The following KCNK12 variants were observed in gnomAD, a reference collection of about 807,000 sequenced individuals.
The protein encoded by KCNK12 is potassium channel subfamily K member 12.
In KCNK12, 6 loss-of-function variants were observed where a neutral mutation model predicts 25.3. The observed-to-expected ratio is 0.24, with a 90% confidence interval of 0.13 to 0.47. The LOEUF (loss-of-function observed/expected upper bound fraction) is 0.47. KCNK12 is among the 20% of genes least tolerant of loss of function. The pLI, the probability that KCNK12 is intolerant of heterozygous loss-of-function variation, is 0.99. For missense variants in KCNK12, 444 were observed against 661.7 expected (o/e 0.67, Z 3.61); for synonymous variants, 331 against 311.1 (o/e 1.06, Z -0.67).
chr2:47,532,059 C>A (rs7606984), intron 1 of KCNK12, among the ~76,000 whole-genome samples: 78,027 of 151,930 alleles, frequency 0.51, 21,979 homozygotes, highest in African/African-American at 0.74. Flanking sequence ...AAAAAACCCC[C>A]AAAAACAAAA....
At chr2:47,521,881 T>TGGGGGGGGGGGGGGGGTGGGGGGGG in intron 1 of KCNK12, 73 bp from the exon 2 acceptor site, 1 of 212,176 alleles carries the variant, frequency 4.7e-6, no homozygotes, top group Non-Finnish European at 7.7e-6. Context: ...GTGGGGGGTG[T>TGGGGGGGGGGGGGGGGTGGGGGGGG]GGGGGCGGGG....
chr2:47,520,353 A>G lies in KCNK12; in HGVS notation c.*554T>C, dbSNP rs1219225921. 6.6e-6 allele frequency: 1 copy of G among 152,282 alleles called. No homozygotes were observed. Among genetic ancestry groups the G allele is most frequent in the Non-Finnish European group, 1.5e-5 (1 of 68,086 alleles). The allele number at this position is 152,282 out of a possible 1,614,324, so 9.4% of individuals were successfully genotyped here. The stretch of plus-strand genomic sequence containing the variant: ...TTGGTGCTATGTTTCATCTCATTGC[A>G]TAATACTACACCATTCTCTGTGTGT... On this transcript the variant is annotated 3_prime_UTR_variant, in exon 2 of 2. Coordinates refer to ENST00000327876, the MANE Select transcript of KCNK12 (RefSeq NM_022055.2). The surrounding 1 kb of genome is among the most constrained non-coding windows in gnomAD (Gnocchi z 5.0).
chr2:47,527,245 GT>G (rs1004213533), intron 1 of KCNK12, among the ~76,000 whole-genome samples: 2 of 152,178 alleles, frequency 1.3e-5, no homozygotes, highest in Non-Finnish European at 2.9e-5. Flanking sequence ...GCTCAGAGTT[GT>G]GACTCCCATC....
In KCNK12 at chr2:47,547,129, G is replaced by C. The variant is rs934329093; in HGVS notation, c.391+22812C>G. Reference sequence around the variant, plus strand: ...GTGGACAGCCACAGTTCAGACATTTGAGGAAAGCCTGTAAGCCCTCTCTTG... The same window carrying C: ...GTGGACAGCCACAGTTCAGACATTTCAGGAAAGCCTGTAAGCCCTCTCTTG... On this transcript the variant is annotated intron_variant, in intron 1 of 1. Coordinates refer to ENST00000327876, the MANE Select transcript of KCNK12 (RefSeq NM_022055.2). This position sits in a 1 kb window ranked among gnomAD's most constrained non-coding sequence, Gnocchi z 5.0. 6.6e-6 allele frequency among the ~76,000 whole-genome samples: 1 copy of C among 152,162 alleles called. No homozygotes were observed. The highest frequency in any genetic ancestry group is 6.5e-5 in the Admixed American group (1 of 15,284).
rs1669872511 is a variant in KCNK12, at chr2:47,570,612, C to T, written c.-281G>A. ...CCCGACGCCTCGCCGGCTCCCGCGG[C>T]TCCTTACCCGCCGCTCTCGGGCGCG... On this transcript the variant is annotated 5_prime_UTR_variant, in exon 1 of 2. Coordinates refer to ENST00000327876, the MANE Select transcript of KCNK12 (RefSeq NM_022055.2). The T allele has an allele frequency of 8.8e-6, 2 of 227,920 alleles. No homozygotes were observed. The highest frequency in any genetic ancestry group is 5.8e-5 in the Admixed American group (1 of 17,340). 14.1% of individuals were successfully genotyped at this position (227,920 alleles called of 1,614,324 possible). A position where few individuals can be genotyped will look rare whatever the true frequency, so the allele number is the denominator to read the frequency against.
In KCNK12 at chr2:47,513,658, C is replaced by T. The variant is rs1668457138; in HGVS notation, c.*7249G>A. Among the ~76,000 whole-genome samples, 1 of 152,108 alleles carries T rather than the reference C, an allele frequency of 6.6e-6. No homozygotes were observed. The highest frequency in any genetic ancestry group is 1.9e-4 in the East Asian group (1 of 5,180). On this transcript the variant is annotated 3_prime_UTR_variant, in exon 2 of 2. Transcript: ENST00000327876. ...CTCCCCCATGGTTATCTCATGGGTC[C>T]CTGAAGTCCAACTTCTCCTTCATTG...
At chr2:47,532,639 T>C (rs1303960461) in intron 1 of KCNK12, among the ~76,000 whole-genome samples, 1 of 152,120 alleles carries the variant, frequency 6.6e-6, no homozygotes, top group African/African-American at 2.4e-5. Context: ...AGTCAAGGCG[T>C]TCCATCTGGT....
At chr2:47,563,791 A>C (rs1669733785) in intron 1 of KCNK12, 1 of 232,970 alleles carries the variant, frequency 4.3e-6, no homozygotes, top group East Asian at 6.0e-5. Context: ...TGGTGCTTCC[A>C]GCTAGAATAC....
rs1016997263 is a variant in KCNK12, at chr2:47,510,474, A to C, written c.*10433T>G. Among the ~76,000 whole-genome samples the C allele has an allele frequency of 2.0e-5, 3 of 152,292 alleles. No homozygotes were observed. Among genetic ancestry groups the C allele is most frequent in the Admixed American group, 2.0e-4 (3 of 15,300 alleles). On this transcript the variant is annotated 3_prime_UTR_variant, in exon 2 of 2. Transcript: ENST00000327876. ...GCATGGAGATGGGTGGAGTTATCTA[A>C]AAGAACAGAGATAGTGTCCCTAGAA...
chr2:47,519,540 A>G lies in KCNK12; in HGVS notation c.*1367T>C, dbSNP rs988410504. The G allele has an allele frequency of 2.0e-5, 3 of 152,176 alleles. No homozygotes were observed. Among genetic ancestry groups the G allele is most frequent in the African/African-American group, 4.8e-5 (2 of 41,428 alleles). The allele number at this position is 152,176 out of a possible 1,614,324, so 9.4% of individuals were successfully genotyped here. A position where few individuals can be genotyped will look rare whatever the true frequency, so the allele number is the denominator to read the frequency against. ...ACACCCCCAGACCACTATCCTTTCA[A>G]TGAAGCCTGGGTATCTGGCCTTCCT... On this transcript the variant is annotated 3_prime_UTR_variant, in exon 2 of 2. Coordinates refer to ENST00000327876, the MANE Select transcript of KCNK12 (RefSeq NM_022055.2).
rs1023157434 is a variant in KCNK12 at position 47,560,283 on chromosome 2, T to G, written c.391+9658A>C. 6.6e-6 allele frequency among the ~76,000 whole-genome samples: 1 copy of G among 152,206 alleles called. No homozygotes were observed. Among genetic ancestry groups the G allele is most frequent in the Non-Finnish European group, 1.5e-5 (1 of 68,032 alleles). On this transcript the variant is annotated intron_variant, in intron 1 of 1. Coordinates refer to ENST00000327876, the MANE Select transcript of KCNK12 (RefSeq NM_022055.2). This position sits in a 1 kb window ranked among gnomAD's most constrained non-coding sequence, Gnocchi z 4.7. The stretch of plus-strand genomic sequence containing the variant: ...TCTGGTGAGCTCTGTGGGAAGCACG[T>G]GCTCTACCCTCTCCGATCTGGTTGG...
intron 1 of KCNK12, among the ~76,000 whole-genome samples, chr2:47,524,442 T>G (rs1464864026): frequency 6.6e-6 from 1 of 152,132 alleles, no homozygotes; most frequent in Non-Finnish European, 1.5e-5. Flanking sequence ...TGGAACAAAA[T>G]AAGCTGGACA....
At chr2:47,536,591 C>T in intron 1 of KCNK12, among the ~76,000 whole-genome samples, 1 of 152,146 alleles carries the variant, frequency 6.6e-6, no homozygotes, top group East Asian at 1.9e-4. Context: ...ATAAGATTGC[C>T]CACAGACCTC....
At chr2:47,549,007 A>C (rs1669369817) in intron 1 of KCNK12, among the ~76,000 whole-genome samples, 1 of 152,258 alleles carries the variant, frequency 6.6e-6, no homozygotes, top group Non-Finnish European at 1.5e-5. Context: ...GTTACTCGCA[A>C]AGGTCTGAAT....
At chr2:47,524,750 C>T (rs1217300227) in intron 1 of KCNK12, among the ~76,000 whole-genome samples, 1 of 152,012 alleles carries the variant, frequency 6.6e-6, no homozygotes, top group Non-Finnish European at 1.5e-5. Flanking sequence ...TTTTTGTACT[C>T]ATAGTGAGAA....
chr2:47,570,711 ACAGGCCG>A lies in KCNK12; in HGVS notation c.-387_-381del, dbSNP rs947291506. On this transcript the variant is annotated 5_prime_UTR_variant, in exon 1 of 2. Transcript: ENST00000327876. ...CCCCGGGCCTCATACTCCTCTCCAG[ACAGGCCG>A]CGGGCTGCGGGCGGGGTGGGCCGTG... 6.5e-6 allele frequency: 1 copy of A among 152,812 alleles called. No individual in the cohort carries two copies. The highest frequency in any genetic ancestry group is 2.4e-5 in the African/African-American group (1 of 41,298). The allele number at this position is 152,812 out of a possible 1,614,324, so 9.5% of individuals were successfully genotyped here. A position where few individuals can be genotyped will look rare whatever the true frequency, so the allele number is the denominator to read the frequency against.
chr2:47,524,427 G>C (rs1668725291), intron 1 of KCNK12, among the ~76,000 whole-genome samples: 1 of 152,194 alleles, frequency 6.6e-6, no homozygotes, highest in Non-Finnish European at 1.5e-5. Context: ...CTCACAAAAA[G>C]AATGTGGAAC....
intron 1 of KCNK12, 95 bp from the exon 2 acceptor site, chr2:47,521,903 C>G: frequency 1.9e-6 from 2 of 1,041,016 alleles, no homozygotes; most frequent in Non-Finnish European, 2.7e-6. Context: ...CATGCAGGTG[C>G]TTGCGCGGCT....
Position 47,538,797 on chromosome 2 carries a change from C to T in KCNK12, c.392-16989G>A, listed in dbSNP as rs376645929. Reference sequence around the variant, plus strand: ...GAGATTAGCCAGCAAATCCCTCCTGCACACTTTCAGGGCAAAGTTTAGGTG... The same window carrying T: ...GAGATTAGCCAGCAAATCCCTCCTGTACACTTTCAGGGCAAAGTTTAGGTG... On this transcript the variant is annotated intron_variant, in intron 1 of 1. Coordinates refer to ENST00000327876, the MANE Select transcript of KCNK12 (RefSeq NM_022055.2). The surrounding 1 kb of genome is among the most constrained non-coding windows in gnomAD (Gnocchi z 4.5). 6.6e-6 allele frequency among the ~76,000 whole-genome samples: 1 copy of T among 152,170 alleles called. No homozygotes were observed. The highest frequency in any genetic ancestry group is 2.4e-5 in the African/African-American group (1 of 41,446).
Sources: allele counts gnomAD v4.1 joint callset (sites outside exome capture counted in the v4.1 genomes callset), GRCh38; gene constraint gnomAD v4.1.1; non-coding constraint Gnocchi (gnomAD v3.1); transcripts MANE v1.5; gene names NCBI Gene and HGNC (gene_info 2026-07-23, HGNC 2026-07-21).